Variants in PDZD8 observed in about 807,000 individuals in gnomAD.
PDZD8 encodes the protein PDZ domain containing 8.
In PDZD8, 14 loss-of-function variants were observed where a neutral mutation model predicts 85.8. The ratio of observed to expected loss-of-function variants is 0.16; its 90% CI spans 0.11 to 0.26. PDZD8 has a LOEUF of 0.26. PDZD8 is among the 10% of genes least tolerant of loss of function. The pLI, the probability that PDZD8 is intolerant of heterozygous loss-of-function variation, is 1.00. For missense variants in PDZD8, 1,197 were observed against 1,424.3 expected, an observed-to-expected ratio of 0.84 and a Z score of 2.57; for synonymous variants, 592 against 568.6, an observed-to-expected ratio of 1.04 and a Z score of -0.59.
intron 1 of PDZD8, among the ~76,000 whole-genome samples, chr10:117,364,867 T>G (rs1279959012): frequency 6.6e-6 from 1 of 151,750 alleles, no homozygotes; most frequent in East Asian, 1.9e-4. Context: ...CACATTCATA[T>G]TATAGTCTCA....
rs546117176 is a variant in PDZD8 at position 117,290,262 on chromosome 10, G to C, written c.1185C>G (p.Ile395Met). 5.6e-6 allele frequency: 9 copies of C among 1,614,060 alleles called. No individual in the cohort carries two copies. Among genetic ancestry groups the C allele is most frequent in the Admixed American group, 1.7e-5 (1 of 60,014 alleles). Reference protein sequence around the residue: ...QSTDGYAGHVIIETVAPNSPA... With the variant: ...QSTDGYAGHVMIETVAPNSPA... ...GCGAGTTTGGAGCCACAGTTTCAAT[G>C]ATGACGTGCCCAGCATACCCATCAG... The change falls in exon 4 of 5, where the codon ATC becomes ATG. Residue 395 changes from isoleucine to methionine, a missense_variant. Physicochemically the swap from Ile to Met is conservative, Grantham distance 10. Coordinates refer to ENST00000334464, the MANE Select transcript of PDZD8 (RefSeq NM_173791.5).
intron 3 of PDZD8, 151 bp downstream of exon 3, chr10:117,318,721 T>C (rs2133809537): frequency 1.8e-6 from 1 of 554,120 alleles, no homozygotes; most frequent in Non-Finnish European, 3.1e-6. Flanking sequence ...TTTATCACTG[T>C]AGTTGTATTG....
At chr10:117,361,560 T>C (rs956429653) in intron 1 of PDZD8, among the ~76,000 whole-genome samples, 5 of 152,198 alleles carry the variant, frequency 3.3e-5, no homozygotes, top group African/African-American at 1.2e-4. Flanking sequence ...CTCCCTACTA[T>C]GGTAAAGACA....
chr10:117,341,244 C>G (rs1470242341), intron 1 of PDZD8, 142 bp from the exon 2 acceptor site: 1 of 860,308 alleles, frequency 1.2e-6, no homozygotes, highest in Non-Finnish European at 1.7e-6. Context: ...GCTTACCACA[C>G]TCCCCCATAA....
At chr10:117,372,722 C>A (rs918352882) in intron 1 of PDZD8, among the ~76,000 whole-genome samples, 2 of 152,168 alleles carry the variant, frequency 1.3e-5, no homozygotes, top group South Asian at 4.1e-4. Flanking sequence ...ACACAGTGAA[C>A]AACCAGTTCA....
intron 1 of PDZD8, among the ~76,000 whole-genome samples, chr10:117,370,918 T>TGTGTGTG (rs1845177851): frequency 2.1e-5 from 3 of 146,330 alleles, no homozygotes; most frequent in Non-Finnish European, 4.5e-5. Context: ...ACAACATAGT[T>TGTGTGTG]TGTGTGTGTG....
intron 3 of PDZD8, among the ~76,000 whole-genome samples, chr10:117,308,542 C>T (rs984688786): frequency 3.3e-5 from 5 of 152,008 alleles, no homozygotes; most frequent in Admixed American, 3.3e-4. Context: ...ACCCTTATAT[C>T]CTGTAAGGCA....
chr10:117,318,537 C>T (rs1844169480), intron 3 of PDZD8, among the ~76,000 whole-genome samples: 1 of 152,064 alleles, frequency 6.6e-6, no homozygotes, highest in African/African-American at 2.4e-5. Flanking sequence ...AATATCTGTC[C>T]AATGAATGAA....
At position 117,285,037 on chromosome 10, in the gene PDZD8, G is replaced by T; in HGVS notation, c.1696C>A (p.Pro566Thr). 1.2e-6 allele frequency: 2 copies of T among 1,613,948 alleles called. No homozygotes were observed. Among genetic ancestry groups the T allele is most frequent in the South Asian group, 2.2e-5 (2 of 91,072 alleles). ...IQSKDGNKPP[P>T]LKTSEITDPA... is the part of the protein sequence containing the mutation. ...TCTGTTATCTCAGAAGTTTTTAGGG[G>T]TGGAGGTTTATTTCCATCTTTGGAC... Residue 566 changes from proline to threonine, a missense_variant, in exon 5 of 5, where the codon CCC becomes ACC. Coordinates refer to ENST00000334464, the MANE Select transcript of PDZD8 (RefSeq NM_173791.5).
Position 117,283,811 on chromosome 10 carries a change from C to T in PDZD8, c.2922G>A (p.Thr974=), listed in dbSNP as rs759735938. 5 of 1,614,034 alleles carry T rather than the reference C, an allele frequency of 3.1e-6. No homozygotes were observed. Among genetic ancestry groups the T allele is most frequent in the South Asian group, 2.2e-5 (2 of 91,086 alleles). ...CCGTGTCACTGCCTTCGTTGTCTGA[C>T]GTGTTGGGTGTGTGTTTTGGTGAAG... ...VEPSPKHTPN[T]SDNEGSDTEV... The change falls in exon 5 of 5, where the codon ACG becomes ACA. Residue 974 remains threonine (T), a synonymous_variant. Transcript: ENST00000334464.
intron 1 of PDZD8, among the ~76,000 whole-genome samples, chr10:117,367,511 T>G (rs1845111124): frequency 6.6e-6 from 1 of 152,206 alleles, no homozygotes. Flanking sequence ...ATGTAATGTA[T>G]CAATACATTA....
chr10:117,319,434 C>T (rs1844189964), intron 2 of PDZD8, among the ~76,000 whole-genome samples: 1 of 12,214 alleles, frequency 8.2e-5, no homozygotes, highest in Admixed American at 8.9e-4. Context: ...CACACACACA[C>T]TCTTCATCTA....
At chr10:117,348,747 C>T (rs12413507) in intron 1 of PDZD8, among the ~76,000 whole-genome samples, 35,149 of 152,082 alleles carry the variant, frequency 0.23, 4,724 homozygotes, top group East Asian at 0.43. Flanking sequence ...AACAGAGTTA[C>T]ACCGAGGGTT....
At chr10:117,348,187 G>A (rs188807147) in intron 1 of PDZD8, among the ~76,000 whole-genome samples, 2 of 152,292 alleles carry the variant, frequency 1.3e-5, no homozygotes, top group African/African-American at 2.4e-5. Flanking sequence ...CTGCTTTGAT[G>A]TATAACTGTT....
In PDZD8 at chr10:117,298,432, C is replaced by T. The variant is rs142166376; in HGVS notation, c.1099-8084G>A. The stretch of plus-strand genomic sequence containing the variant: ...CATACATCATCATTTCTTAATATAC[C>T]AAATTTTAGACAATGTGTTGACTTC... On this transcript the variant is annotated intron_variant, in intron 3 of 4. Coordinates refer to ENST00000334464, the MANE Select transcript of PDZD8 (RefSeq NM_173791.5). Among the ~76,000 whole-genome samples, 856 of 151,918 alleles carry T rather than the reference C, an allele frequency of 5.6e-3. 3 individuals are homozygous for T. Among genetic ancestry groups the T allele is most frequent in the African/African-American group, 0.019 (802 of 41,414 alleles).
chr10:117,353,664 T>C (rs1005987276), intron 1 of PDZD8, among the ~76,000 whole-genome samples: 1 of 151,376 alleles, frequency 6.6e-6, no homozygotes, highest in African/African-American at 2.4e-5. Flanking sequence ...TACATAAATT[T>C]TGTTCAAAAT....
intron 3 of PDZD8, among the ~76,000 whole-genome samples, chr10:117,307,829 T>C (rs895019537): frequency 2.0e-5 from 3 of 152,070 alleles, no homozygotes; most frequent in Admixed American, 6.6e-5. Flanking sequence ...GTGTTGCTGT[T>C]TCTACCCCTT....
In PDZD8 at chr10:117,285,368, A is replaced by G; in HGVS notation, c.1365T>C (p.Gly455=). ...GGCCAAAGTTATCTTGCAGCACTGC[A>G]CCTTGATTACTCTGGCCAACAGGCC... ...YERPVGQSNQ[G]AVLQDNFGQL... Residue 455 remains glycine, a synonymous_variant, in exon 5 of 5, where the codon GGT becomes GGC. Coordinates refer to ENST00000334464, the MANE Select transcript of PDZD8 (RefSeq NM_173791.5). 10 of 1,614,122 alleles carry G rather than the reference A, an allele frequency of 6.2e-6. No individual in the cohort carries two copies. Among genetic ancestry groups the G allele is most frequent in the African/African-American group, 1.3e-5 (1 of 75,032 alleles).
At chr10:117,301,293 T>A (rs1285855903) in intron 3 of PDZD8, among the ~76,000 whole-genome samples, 1 of 152,144 alleles carries the variant, frequency 6.6e-6, no homozygotes, top group Non-Finnish European at 1.5e-5. Flanking sequence ...CAAAAAATCA[T>A]CATTTTTGAG....
Sources: gnomAD v4.1 joint callset for allele counts (sites outside exome capture counted in the v4.1 genomes callset) on GRCh38, gnomAD v4.1.1 for gene constraint, MANE v1.5 for transcripts, NCBI Gene and HGNC (gene_info 2026-07-23, HGNC 2026-07-21) for gene names.